TMIGD1: variants seen among roughly 807,000 people sequenced by gnomAD.
TMIGD1 encodes the protein transmembrane and immunoglobulin domain containing 1.
Under a neutral mutation model 27.5 loss-of-function variants are expected in TMIGD1, and 29 were observed. The observed-to-expected ratio is 1.05, with a 90% confidence interval of 0.78 to 1.44. The LOEUF is 1.44. Among genes scored for constraint, TMIGD1 ranks in the 40% most tolerant of loss-of-function variants. TMIGD1 has a pLI of 0.00. For synonymous variants in TMIGD1, 109 were observed against 110.3 expected, an observed-to-expected ratio of 0.99 and a Z score of 0.07; for missense variants, 334 against 310.6, an observed-to-expected ratio of 1.08 and a Z score of -0.57.
intron 4 of TMIGD1, among the ~76,000 whole-genome samples, chr17:30,323,936 A>G (rs1209396854): frequency 2.6e-5 from 4 of 152,184 alleles, no homozygotes; most frequent in Non-Finnish European, 4.4e-5. Flanking sequence ...CTTCCCCACT[A>G]GCCACTCTTT....
intron 4 of TMIGD1, among the ~76,000 whole-genome samples, chr17:30,319,451 AG>A (rs1909547733): frequency 3.4e-5 from 5 of 146,342 alleles, no homozygotes; most frequent in African/African-American, 5.0e-5. Context: ...AAAAAAAAAA[AG>A]TCACAGAACT....
Position 30,316,356 on chromosome 17 carries a change from A to G in TMIGD1, c.*331T>C, listed in dbSNP as rs910112181. On this transcript the variant is annotated 3_prime_UTR_variant, in exon 7 of 7. Transcript: ENST00000328886. Reference sequence around the variant, plus strand: ...CCTTTTTTTTTTTTTTTGGCTTTGCACCAATTTGTGAGACCCAAGTATCTC... The same window carrying G: ...CCTTTTTTTTTTTTTTTGGCTTTGCGCCAATTTGTGAGACCCAAGTATCTC... 1.5e-5 allele frequency: 3 copies of G among 199,220 alleles called. No homozygotes were observed. The highest frequency in any genetic ancestry group is 1.9e-5 in the Non-Finnish European group (2 of 103,990). 12.3% of individuals were successfully genotyped at this position (199,220 alleles called of 1,614,324 possible).
chr17:30,323,221 A>G (rs531223761), intron 4 of TMIGD1, among the ~76,000 whole-genome samples: 4 of 152,324 alleles, frequency 2.6e-5, no homozygotes, highest in African/African-American at 9.6e-5. Context: ...AAGGGTAATT[A>G]CATAACTGCC....
intron 2 of TMIGD1, 135 bp from the exon 3 acceptor site, chr17:30,329,664 T>C (rs1185410674): frequency 7.9e-6 from 5 of 633,142 alleles, no homozygotes; most frequent in Non-Finnish European, 1.3e-5. Context: ...ATAGTCATAT[T>C]GATCTATATG....
intron 3 of TMIGD1, among the ~76,000 whole-genome samples, chr17:30,325,591 C>G (rs577202258): frequency 6.6e-6 from 1 of 152,224 alleles, no homozygotes; most frequent in South Asian, 2.1e-4. Flanking sequence ...AATCATACAT[C>G]TCCTGAGATG....
intron 4 of TMIGD1, among the ~76,000 whole-genome samples, chr17:30,319,261 A>AAAAAAAAATATATATATATATATATAT: frequency 1.6e-4 from 11 of 69,032 alleles, no homozygotes; most frequent in African/African-American, 8.2e-4. Flanking sequence ...AAAAAAAAAA[A>AAAAAAAAATATATATATATATATATAT]ATATATATAT....
Position 30,323,135 on chromosome 17 carries a change from A to C in TMIGD1, c.640+1681T>G, listed in dbSNP as rs769381078. ...CAGTGAACTATGATTACGCTACTGC[A>C]CTCCAGCCTGGGTGGCAGAGCGAGA... is the stretch of plus-strand genomic sequence containing the variant. On this transcript the variant is annotated intron_variant, in intron 4 of 6. Coordinates refer to ENST00000328886, the MANE Select transcript of TMIGD1 (RefSeq NM_206832.3). Among the ~76,000 whole-genome samples the C allele has an allele frequency of 5.9e-5, 9 of 152,252 alleles. No individual in the cohort carries two copies. The East Asian group carries it at 1.7e-3, about 29-fold the overall frequency.
intron 3 of TMIGD1, among the ~76,000 whole-genome samples, chr17:30,325,384 C>T (rs891258967): frequency 1.3e-5 from 2 of 152,096 alleles, no homozygotes; most frequent in Admixed American, 1.3e-4. Flanking sequence ...TGTAACACTA[C>T]CCAAGAGTAT....
chr17:30,319,261 A>AAAAAAAAAAAAATATATATATATATAT, intron 4 of TMIGD1, among the ~76,000 whole-genome samples: 11 of 69,018 alleles, frequency 1.6e-4, no homozygotes, highest in African/African-American at 5.4e-4. Flanking sequence ...AAAAAAAAAA[A>AAAAAAAAAAAAATATATATATATATAT]ATATATATAT....
intron 3 of TMIGD1, among the ~76,000 whole-genome samples, chr17:30,326,422 CT>C (rs1909776724): frequency 6.6e-6 from 1 of 152,028 alleles, no homozygotes; most frequent in African/African-American, 2.4e-5. Context: ...CCCTATCTTT[CT>C]TTTTTCTTAA....
chr17:30,334,000 C>T lies in TMIGD1; in HGVS notation c.-26G>A, dbSNP rs1285367421. ...TATATAAGACAGTCTTACCACTTAC[C>T]TCTTGAGCTCTGAGAAGCTGACTTC... is the stretch of plus-strand genomic sequence containing the variant. On this transcript the variant is annotated splice_region_variant and 5_prime_UTR_variant, in exon 1 of 7. Coordinates refer to ENST00000328886, the MANE Select transcript of TMIGD1 (RefSeq NM_206832.3). 6.6e-6 allele frequency: 1 copy of T among 152,454 alleles called. No homozygotes were observed. Among genetic ancestry groups the T allele is most frequent in the Non-Finnish European group, 1.5e-5 (1 of 68,040 alleles). The allele number at this position is 152,454 out of a possible 1,614,324, so 9.4% of individuals were successfully genotyped here. A position where few individuals can be genotyped will look rare whatever the true frequency, so the allele number is the denominator to read the frequency against.
rs1052277046 is a variant in TMIGD1 at position 30,329,525 on chromosome 17, A to G, written c.87T>C (p.Ser29=). 1 of 1,607,288 alleles carries G rather than the reference A, an allele frequency of 6.2e-7. No individual in the cohort carries two copies. Among genetic ancestry groups the G allele is most frequent in the East Asian group, 2.2e-5 (1 of 44,684 alleles). ...CAGTTTTACCATTCACAGTTAAAAC[A>G]GAACCTGGGAGTATAGGGAGAAACT... The part of the protein sequence containing the change: ...ILFLPREMTS[S]VLTVNGKTEN... The change falls in exon 3 of 7, where the codon TCT becomes TCC. Residue 29 remains serine, a synonymous_variant. Transcript: ENST00000328886.
At chr17:30,325,722 A>G (rs912746191) in intron 3 of TMIGD1, among the ~76,000 whole-genome samples, 3 of 151,632 alleles carry the variant, frequency 2.0e-5, no homozygotes, top group Non-Finnish European at 4.4e-5. Flanking sequence ...ATTTTATCGA[A>G]CCATTGCCTT....
At position 30,316,578 on chromosome 17, in the gene TMIGD1, G is replaced by A. The variant is rs561266787; in HGVS notation, c.*109C>T. ...CTACTGTTAAGTGATTAATGAAACA[G>A]GAGTGACAGGAGTGAATTTAATAAT... On this transcript the variant is annotated 3_prime_UTR_variant, in exon 7 of 7. Transcript: ENST00000328886. 1.9e-4 allele frequency: 212 copies of A among 1,090,028 alleles called. 1 individual carries two copies. In the South Asian group the frequency reaches 2.7e-3, roughly 14 times the overall value. 67.5% of individuals were successfully genotyped at this position (1,090,028 alleles called of 1,614,324 possible).
In TMIGD1 at chr17:30,316,917, A is replaced by G. The variant is rs200868117; in HGVS notation, c.786-227T>C. ...ATGGACCAGTGACTTCCTCCAGAGC[A>G]TTTGCATTGTGTGGCAATAAAATGC... On this transcript the variant is annotated intron_variant, in intron 6 of 6. Coordinates refer to ENST00000328886, the MANE Select transcript of TMIGD1 (RefSeq NM_206832.3). The G allele has an allele frequency of 9.3e-4, 584 of 628,492 alleles. 1 individual carries two copies. The highest frequency in any genetic ancestry group is 1.4e-3 in the Non-Finnish European group (498 of 356,110). 38.9% of individuals were successfully genotyped at this position (628,492 alleles called of 1,614,324 possible).
At chr17:30,329,225 T>TA in intron 3 of TMIGD1, 26 bp downstream of exon 3, 1 of 1,607,392 alleles carries the variant, frequency 6.2e-7, no homozygotes, top group South Asian at 1.1e-5. Context: ...ACAGACCCAC[T>TA]AGCTGTTTCT....
chr17:30,332,204 G>T, intron 1 of TMIGD1, 46 bp from the exon 2 acceptor site: 1 of 1,196,344 alleles, frequency 8.4e-7, no homozygotes, highest in Non-Finnish European at 1.2e-6. Flanking sequence ...GGTCTGCAAT[G>T]AGTTCGTGAA....
chr17:30,329,219 AC>A, intron 3 of TMIGD1, 31 bp downstream of exon 3: 1 of 1,604,220 alleles, frequency 6.2e-7, no homozygotes, highest in African/African-American at 1.3e-5. Context: ...GACATTACAG[AC>A]CCACTAGCTG....
At chr17:30,321,644 A>G (rs1458917147) in intron 4 of TMIGD1, among the ~76,000 whole-genome samples, 2 of 152,312 alleles carry the variant, frequency 1.3e-5, no homozygotes, top group East Asian at 3.9e-4. Flanking sequence ...AACAGACACT[A>G]CAGATTAAGT....
Sources: gnomAD v4.1 joint callset for allele counts (sites outside exome capture counted in the v4.1 genomes callset) on GRCh38, gnomAD v4.1.1 for gene constraint, MANE v1.5 for transcripts, NCBI Gene and HGNC (gene_info 2026-07-23, HGNC 2026-07-21) for gene names.